The following CEP170 variants were observed in gnomAD, a reference collection of about 807,000 sequenced individuals.
CEP170 encodes the protein centrosomal protein of 170 kDa.
CEP170 carries 21 observed loss-of-function variants against 151.9 expected under a neutral mutation model. The observed-to-expected ratio is 0.14, with a 90% CI of 0.10 to 0.20. The LOEUF is 0.20. Ranked by LOEUF, CEP170 falls within the 10% of genes least tolerant of loss-of-function variation. CEP170 has a pLI of 1.00. For missense variants in CEP170, 964 were observed against 1,892.9 expected, an observed-to-expected ratio of 0.51 and a Z score of 9.11; for synonymous variants, 356 against 648.8, an observed-to-expected ratio of 0.55 and a Z score of 6.86.
intron 3 of CEP170, among the ~76,000 whole-genome samples, chr1:243,218,496 C>A (rs1245783315): frequency 6.6e-6 from 1 of 152,200 alleles, no homozygotes; most frequent in Non-Finnish European, 1.5e-5. Context: ...GTAGCTTTCT[C>A]AGGCAGAACA....
chr1:243,137,606 C>A (rs1040738475), intron 16 of CEP170, among the ~76,000 whole-genome samples: 2 of 151,908 alleles, frequency 1.3e-5, no homozygotes, highest in Admixed American at 6.6e-5. Flanking sequence ...GAAACCCCAT[C>A]TCTACTAAAA....
At chr1:243,149,374 G>A (rs1215440210) in intron 14 of CEP170, among the ~76,000 whole-genome samples, 3 of 152,158 alleles carry the variant, frequency 2.0e-5, no homozygotes, top group African/African-American at 7.2e-5. Context: ...GATAGCCAGA[G>A]TATTTTTAGA....
chr1:243,221,764 G>A lies in CEP170; in HGVS notation c.155C>T (p.Thr52Met), dbSNP rs750429509. ...CAAATCCTTCACTAAATGCTCATCC[G>A]TAGACGCATCATAGTTGATGACAGC... ...QHAVINYDAS[T>M]DEHLVKDLGS... The change falls in exon 3 of 20, where the codon ACG becomes ATG. Residue 52 changes from threonine to methionine, a missense_variant. Coordinates refer to ENST00000366542, the MANE Select transcript of CEP170 (RefSeq NM_014812.3). 9.3e-6 allele frequency: 15 copies of A among 1,612,862 alleles called. No individual in the cohort carries two copies. Among genetic ancestry groups the A allele is most frequent in the South Asian group, 3.3e-5 (3 of 90,866 alleles).
In CEP170 at chr1:243,156,383, T is replaced by C; in HGVS notation, c.3749A>G (p.Asn1250Ser). Residue 1250 changes from asparagine to serine, a missense_variant, in exon 14 of 20, where the codon AAT becomes AGT. Asn to Ser is a conservative substitution (Grantham distance 46). Transcript: ENST00000366542. ...TSEDEFGSNR[N>S]SPKHTRLRTS... ...ACGTAGACGGGTATGTTTAGGGGAA[T>C]TACGGTTTGATCCAAATTCATCTTC... 1 of 1,560,444 alleles carries C rather than the reference T, an allele frequency of 6.4e-7. No homozygotes were observed. The highest frequency in any genetic ancestry group is 8.7e-7 in the Non-Finnish European group (1 of 1,151,894).
At chr1:243,229,172 C>T (rs1037836108) in intron 1 of CEP170, among the ~76,000 whole-genome samples, 2 of 152,164 alleles carry the variant, frequency 1.3e-5, no homozygotes, top group African/African-American at 4.8e-5. Flanking sequence ...AGCCAAGGCA[C>T]GTGACTCAAC....
At chr1:243,156,042 G>GA (rs920557553) in intron 14 of CEP170, among the ~76,000 whole-genome samples, 179 bp downstream of exon 14, 8 of 151,070 alleles carry the variant, frequency 5.3e-5, no homozygotes, top group African/African-American at 9.7e-5. Flanking sequence ...TATAGGCATA[G>GA]AAAAAAAAGA....
chr1:243,247,511 G>A (rs372630554), intron 1 of CEP170, among the ~76,000 whole-genome samples: 8 of 152,018 alleles, frequency 5.3e-5, no homozygotes, highest in Non-Finnish European at 1.5e-5. Context: ...GCGCCACCAC[G>A]CCTGACTAAT....
At chr1:243,173,449 T>A (rs1454836082) in intron 10 of CEP170, among the ~76,000 whole-genome samples, 1 of 151,664 alleles carries the variant, frequency 6.6e-6, no homozygotes, top group Non-Finnish European at 1.5e-5. Context: ...TTAAAAGATT[T>A]AATAGGTCAG....
intron 4 of CEP170, among the ~76,000 whole-genome samples, chr1:243,203,665 TTAA>T (rs2061210008): frequency 6.6e-6 from 1 of 152,080 alleles, no homozygotes. Context: ...TTTTTCAAAA[TTAA>T]TATATTTCAT....
chr1:243,245,838 T>A (rs2149165266), intron 1 of CEP170, among the ~76,000 whole-genome samples: 1 of 151,968 alleles, frequency 6.6e-6, no homozygotes, highest in East Asian at 1.9e-4. Flanking sequence ...CCCAGCTACC[T>A]GGGAGACTGA....
At chr1:243,152,222 A>ATT (rs376998252) in intron 14 of CEP170, among the ~76,000 whole-genome samples, 11 of 134,426 alleles carry the variant, frequency 8.2e-5, no homozygotes, top group East Asian at 2.2e-4. Flanking sequence ...AGCCATTTTG[A>ATT]TTTTTTTTTT....
intron 1 of CEP170, among the ~76,000 whole-genome samples, chr1:243,231,372 A>T (rs947725178): frequency 2.0e-5 from 3 of 152,210 alleles, no homozygotes; most frequent in African/African-American, 4.8e-5. Context: ...TGTGAAAAAA[A>T]TTTTTAAAAC....
intron 1 of CEP170, among the ~76,000 whole-genome samples, chr1:243,244,302 A>C (rs997122034): frequency 1.3e-5 from 2 of 152,096 alleles, no homozygotes; most frequent in Non-Finnish European, 2.9e-5. Context: ...TTCATTACAA[A>C]AAAAAGAAAA....
chr1:243,180,053 G>T (rs183106037), intron 10 of CEP170, among the ~76,000 whole-genome samples: 1 of 152,088 alleles, frequency 6.6e-6, no homozygotes, highest in Admixed American at 6.6e-5. Flanking sequence ...CATTTTAAAC[G>T]TATTTAATAA....
chr1:243,155,691 T>G (rs745971671), intron 14 of CEP170, among the ~76,000 whole-genome samples: 1 of 152,152 alleles, frequency 6.6e-6, no homozygotes, highest in African/African-American at 2.4e-5. Flanking sequence ...TAAAGGTTAC[T>G]ATAAACAGAT....
chr1:243,192,370 G>A (rs537149737), intron 7 of CEP170, among the ~76,000 whole-genome samples: 11 of 152,146 alleles, frequency 7.2e-5, no homozygotes, highest in Admixed American at 7.2e-4. Flanking sequence ...TAATACAAAA[G>A]TATAGAAACA....
intron 10 of CEP170, among the ~76,000 whole-genome samples, chr1:243,178,097 G>A (rs1447532649): frequency 6.6e-6 from 1 of 152,058 alleles, no homozygotes; most frequent in African/African-American, 2.4e-5. Flanking sequence ...GGAGGCCGAA[G>A]GCGGGTGGAT....
chr1:243,238,944 C>T (rs968217748), intron 1 of CEP170, among the ~76,000 whole-genome samples: 2 of 152,180 alleles, frequency 1.3e-5, no homozygotes, highest in African/African-American at 4.8e-5. Context: ...GTGGGCACGC[C>T]TCAATCTCTT....
chr1:243,163,571 G>C (rs1372893766), intron 13 of CEP170, among the ~76,000 whole-genome samples: 6 of 152,182 alleles, frequency 3.9e-5, no homozygotes, highest in Admixed American at 2.0e-4. Flanking sequence ...AATTACTAGA[G>C]TTAAATGATA....
Sources: allele counts gnomAD v4.1 joint callset (sites outside exome capture counted in the v4.1 genomes callset), GRCh38; gene constraint gnomAD v4.1.1; transcripts MANE v1.5; gene names NCBI Gene and HGNC (gene_info 2026-07-23, HGNC 2026-07-21).